ABCA13: variants seen among roughly 807,000 people sequenced by gnomAD.
The protein encoded by ABCA13 is ATP-binding cassette sub-family A member 13.
A neutral mutation model predicts 478.7 loss-of-function variants in ABCA13; 476 were observed. The ratio of observed to expected loss-of-function variants is 0.99; its 90% CI spans 0.92 to 1.07. ABCA13 has a LOEUF of 1.07. Ranked by LOEUF, ABCA13 falls within the 50% of genes least tolerant of loss-of-function variation. The pLI, the probability that ABCA13 is intolerant of heterozygous loss-of-function variation, is 0.00. For synonymous variants in ABCA13, 2,252 were observed against 2,158.9 expected (o/e 1.04, Z -1.20); for missense variants, 6,060 against 5,910.6 (o/e 1.03, Z -0.83).
chr7:48,637,402 A>AAAAAC (rs1794751075), intron 59 of ABCA13, among the ~76,000 whole-genome samples: 1 of 147,978 alleles, frequency 6.8e-6, no homozygotes, highest in Non-Finnish European at 1.5e-5. Context: ...AAAAAAAAAA[A>AAAAAC]AAAACAGAGA....
intron 59 of ABCA13, among the ~76,000 whole-genome samples, chr7:48,616,784 G>A (rs956119800): frequency 2.6e-5 from 4 of 152,194 alleles, no homozygotes; most frequent in African/African-American, 9.7e-5. Context: ...ACTTTGGGAG[G>A]ATGAAGTGGG....
intron 56 of ABCA13, among the ~76,000 whole-genome samples, chr7:48,580,780 G>A (rs936206972): frequency 6.6e-6 from 1 of 152,030 alleles, no homozygotes; most frequent in African/African-American, 2.4e-5. Context: ...GTGGAATCTG[G>A]GGGACTGCTG....
At chr7:48,215,427 T>C (rs778375807) in intron 3 of ABCA13, among the ~76,000 whole-genome samples, 2 of 152,072 alleles carry the variant, frequency 1.3e-5, no homozygotes, top group Admixed American at 1.3e-4. Context: ...CAGAACACAA[T>C]AGCAGATATA....
chr7:48,444,932 A>G (rs1160718793), intron 42 of ABCA13, among the ~76,000 whole-genome samples: 1 of 151,550 alleles, frequency 6.6e-6, no homozygotes, highest in African/African-American at 2.4e-5. Flanking sequence ...TGCCCTCCAT[A>G]TGTAGCCATC....
intron 35 of ABCA13, among the ~76,000 whole-genome samples, chr7:48,378,060 G>C (rs1306715348): frequency 6.6e-6 from 1 of 152,154 alleles, no homozygotes; most frequent in Non-Finnish European, 1.5e-5. Context: ...ATTGTATTCA[G>C]CTGAGACTTT....
intron 7 of ABCA13, among the ~76,000 whole-genome samples, chr7:48,232,166 G>GTTTTTTTTTTTTTTTTTTTTTTTTTTTTT (rs1789240529): frequency 7.0e-5 from 1 of 14,284 alleles, no homozygotes; most frequent in Non-Finnish European, 1.6e-4. Context: ...TTTTTTTTTA[G>GTTTTTTTTTTTTTTTTTTTTTTTTTTTTT]CTTTCTGTAA....
intron 15 of ABCA13, among the ~76,000 whole-genome samples, chr7:48,256,832 G>GT (rs1793466274): frequency 6.6e-6 from 1 of 152,096 alleles, no homozygotes; most frequent in Non-Finnish European, 1.5e-5. Flanking sequence ...TTTTAAAATA[G>GT]TTTTTTCAAA....
chr7:48,406,757 T>C (rs7459379), intron 39 of ABCA13, among the ~76,000 whole-genome samples: 29,749 of 151,766 alleles, frequency 0.2, 3,272 homozygotes, highest in East Asian at 0.23. Flanking sequence ...CCTGTAGTCC[T>C]AGCTACTTGG....
Position 48,219,428 on chromosome 7 carries a change from T to G in ABCA13, c.362T>G (p.Leu121Arg). Residue 121 changes from leucine (L) to arginine (R), a missense_variant, in exon 4 of 62, where the codon CTG (leucine) becomes CGG (arginine). Transcript: ENST00000435803. The part of the protein sequence containing the change: ...NLAFLKEIQD[L>R]AEEIHGMMDK... ...GCCTTTTTAAAAGAGATACAAGACC[T>G]GGCAGAGGAAATTCATGGAATGATG... 6.2e-7 allele frequency: 1 copy of G among 1,613,374 alleles called. No homozygotes were observed. Among genetic ancestry groups the G allele is most frequent in the Non-Finnish European group, 8.5e-7 (1 of 1,179,652 alleles).
At position 48,278,863 on chromosome 7, in the gene ABCA13, A is replaced by G; in HGVS notation, c.7669A>G (p.Thr2557Ala). ...CAAGGACAGTGTGAAATTCTTTGACACTCTGTATTCCATCATGCAACAAAG... is the reference window on the plus strand; with the variant it reads ...CAAGGACAGTGTGAAATTCTTTGACGCTCTGTATTCCATCATGCAACAAAG... The part of the protein sequence containing the change: ...NTKDSVKFFD[T>A]LYSIMQQSVQ... The change falls in exon 18 of 62, where the codon ACT becomes GCT. Residue 2557 changes from threonine to alanine, a missense_variant. This residue lies in a region of ABCA13 where 4,423 missense variants were observed against 4,309.1 expected (regional missense o/e 1.03). Transcript: ENST00000435803. The G allele has an allele frequency of 1.2e-6, 2 of 1,613,496 alleles. No homozygotes were observed. The highest frequency in any genetic ancestry group is 1.7e-6 in the Non-Finnish European group (2 of 1,179,884).
At chr7:48,444,516 C>T (rs1824029521) in intron 42 of ABCA13, among the ~76,000 whole-genome samples, 1 of 152,164 alleles carries the variant, frequency 6.6e-6, no homozygotes, top group Non-Finnish European at 1.5e-5. Context: ...CCCTATGACA[C>T]ATCACTTGTT....
chr7:48,645,280 A>G, intron 61 of ABCA13, 137 bp from the exon 62 acceptor site: 2 of 608,872 alleles, frequency 3.3e-6, no homozygotes, highest in East Asian at 2.9e-5. Flanking sequence ...GTGATTTGGG[A>G]GGGAATGGTA....
Position 48,495,697 on chromosome 7 carries a change from T to G in ABCA13, c.13291+6353T>G, listed in dbSNP as rs115266993. Among the ~76,000 whole-genome samples, 555 of 152,236 alleles carry G rather than the reference T, an allele frequency of 3.6e-3. 5 individuals are homozygous for G. The highest frequency in any genetic ancestry group is 0.013 in the African/African-American group (525 of 41,548). ...TTGTGGCTTTGTTTCTTTTTTCAGT[T>G]TCATCAGTTTTTTCTTCATGTATTT... On this transcript the variant is annotated intron_variant, in intron 48 of 61. Coordinates refer to ENST00000435803, the MANE Select transcript of ABCA13 (RefSeq NM_152701.5).
Position 48,245,521 on chromosome 7 carries a change from T to C in ABCA13, c.1400T>C (p.Ile467Thr), listed in dbSNP as rs1458455604. 1 of 1,609,774 alleles carries C rather than the reference T, an allele frequency of 6.2e-7. No individual in the cohort carries two copies. Among genetic ancestry groups the C allele is most frequent in the East Asian group, 2.2e-5 (1 of 44,790 alleles). The change falls in exon 12 of 62, where the codon ATT becomes ACT. Residue 467 changes from isoleucine (I) to threonine (T), a missense_variant. By Grantham distance (89) the Ile-to-Thr change is moderately conservative. Around this residue, in one of 3 missense-constraint regions of ABCA13, gnomAD observed 4,423 missense variants for 4,309.1 expected, o/e 1.03. Transcript: ENST00000435803. ...QNLHFVQEVL[I>T]CLETSANDFK... ...TTTGTCTACTTTGCAGAAGTCCTCA[T>C]TTGCCTGGAGACATCAGCTAATGAT...
intron 26 of ABCA13, among the ~76,000 whole-genome samples, chr7:48,314,915 A>G (rs1802345160): frequency 1.3e-5 from 2 of 152,252 alleles, no homozygotes; most frequent in Non-Finnish European, 2.9e-5. Flanking sequence ...CACGATAGGT[A>G]CAAATGAATA....
At chr7:48,609,351 G>A (rs1403089246) in intron 58 of ABCA13, among the ~76,000 whole-genome samples, 1 of 152,036 alleles carries the variant, frequency 6.6e-6, no homozygotes, top group Admixed American at 6.6e-5. Flanking sequence ...TATCCATGCA[G>A]TACAAAGGTC....
intron 29 of ABCA13, among the ~76,000 whole-genome samples, chr7:48,340,904 A>G (rs1807056067): frequency 6.6e-6 from 1 of 152,114 alleles, no homozygotes; most frequent in South Asian, 2.1e-4. Context: ...ATTACTTAGG[A>G]ATTTCTTTGG....
intron 25 of ABCA13, among the ~76,000 whole-genome samples, chr7:48,313,925 T>C (rs1219390733): frequency 6.6e-6 from 1 of 152,152 alleles, no homozygotes; most frequent in Non-Finnish European, 1.5e-5. Flanking sequence ...TAGTGATATT[T>C]TATGGATTAA....
At chr7:48,577,694 T>C (rs1788313531) in intron 55 of ABCA13, among the ~76,000 whole-genome samples, 1 of 151,370 alleles carries the variant, frequency 6.6e-6, no homozygotes, top group Admixed American at 6.6e-5. Flanking sequence ...TTTTAGAAAA[T>C]AGATACAGAA....
Sources: allele counts gnomAD v4.1 joint callset (sites outside exome capture counted in the v4.1 genomes callset), GRCh38; gene constraint gnomAD v4.1.1; regional missense constraint gnomAD v4.1.1; transcripts MANE v1.5; gene names NCBI Gene and HGNC (gene_info 2026-07-23, HGNC 2026-07-21).